The following DMD variants were observed in gnomAD, a reference collection of about 807,000 sequenced individuals.
DMD encodes mutant dystrophin.
DMD carries 63 observed loss-of-function variants against 330.1 expected under a neutral mutation model. The observed-to-expected ratio is 0.19, with a 90% CI of 0.16 to 0.24. The LOEUF is 0.24. Ranked by LOEUF, DMD falls within the 10% of genes least tolerant of loss-of-function variation. DMD has a pLI of 1.00. For synonymous variants in DMD, 1,223 were observed against 959.8 expected (o/e 1.27, Z -5.07); for missense variants, 3,344 against 2,684.1 (o/e 1.25, Z -5.43).
chrX:32,800,738 G>A (rs1435107629), intron 7 of DMD, among the ~76,000 whole-genome samples: 1 of 110,085 alleles, frequency 9.1e-6, no homozygotes, highest in South Asian at 3.9e-4. Context: ...AGTGTGTGAT[G>A]CTCCACTGCA....
intron 44 of DMD, among the ~76,000 whole-genome samples, chrX:32,080,138 T>C (rs2096381543): frequency 8.9e-6 from 1 of 112,384 alleles, no homozygotes; most frequent in Non-Finnish European, 1.9e-5. Context: ...ATTTTACAAC[T>C]TTAAAAAATG....
rs182468190 is a variant in DMD, at chrX:32,395,297, A to C, written c.4234-5116T>G. 1.6e-3 allele frequency among the ~76,000 whole-genome samples: 178 copies of C among 111,717 alleles called. 1 individual carries two copies. The highest frequency in any genetic ancestry group is 5.6e-3 in the African/African-American group (171 of 30,805). On this transcript the variant is annotated intron_variant, in intron 30 of 78. Transcript: ENST00000357033. Reference sequence around the variant, plus strand: ...CTCAATTCCACACAGTGAGAACAAAATTGTTGCCCCTATACTTACAGAAGC... The same window carrying C: ...CTCAATTCCACACAGTGAGAACAAACTTGTTGCCCCTATACTTACAGAAGC...
At position 32,216,948 on chromosome X, in the gene DMD, A is replaced by G; in HGVS notation, c.6406T>C (p.Trp2136Arg). The change falls in exon 44 of 79, where the codon TGG (tryptophan) becomes CGG (arginine). Residue 2136 changes from tryptophan to arginine, a missense_variant. Coordinates refer to ENST00000357033, the MANE Select transcript of DMD (RefSeq NM_004006.3). ...TACCATTTGTATTTAGCATGTTCCC[A>G]ATTCTCAGGAATTTGTGTCTTTCTG... is the stretch of plus-strand genomic sequence containing the variant. ...FLRKTQIPEN[W>R]EHAKYKWYLK... 1 of 1,208,368 alleles carries G rather than the reference A, an allele frequency of 8.3e-7. No homozygotes were observed. Among genetic ancestry groups the G allele is most frequent in the Non-Finnish European group, 1.1e-6 (1 of 893,020 alleles).
chrX:32,574,517 G>T lies in DMD; in HGVS notation c.1603-671C>A, dbSNP rs193285701. 9.0e-5 allele frequency among the ~76,000 whole-genome samples: 10 copies of T among 111,628 alleles called. No individual in the cohort carries two copies. The East Asian group carries it at 1.1e-3, about 13-fold the overall frequency. On this transcript the variant is annotated intron_variant, in intron 13 of 78. Transcript: ENST00000357033. ...ATAAACCAACTATCAATGATTTTTG[G>T]AAGGAAAACAAATATTGTGATGCTT...
chrX:32,600,994 A>G (rs1309646894), intron 12 of DMD, among the ~76,000 whole-genome samples: 1 of 111,505 alleles, frequency 9.0e-6, no homozygotes, highest in Non-Finnish European at 1.9e-5. Context: ...AACTTCAAGT[A>G]CAGATCAGAA....
intron 1 of DMD, among the ~76,000 whole-genome samples, chrX:33,307,462 C>A (rs1474423457): frequency 1.8e-5 from 2 of 111,871 alleles, no homozygotes; most frequent in African/African-American, 6.5e-5. Flanking sequence ...GAGGCCAAGG[C>A]GGGCGGATCA....
chrX:32,217,109 A>G (rs765367589), intron 43 of DMD, 46 bp from the exon 44 acceptor site: 8 of 1,153,246 alleles, frequency 6.9e-6, no homozygotes, highest in South Asian at 1.8e-5. Flanking sequence ...TGGATTATGT[A>G]AAACAGATTA....
chrX:31,421,904 C>CATATATATATATATATATAT (rs1205689227), intron 60 of DMD, among the ~76,000 whole-genome samples: 1 of 63,136 alleles, frequency 1.6e-5, no homozygotes, highest in African/African-American at 1.2e-4. Context: ...TATATATACA[C>CATATATATATATATATATAT]ACACACACAC....
At chrX:33,168,956 T>G (rs1230224034) in intron 1 of DMD, among the ~76,000 whole-genome samples, 2 of 108,133 alleles carry the variant, frequency 1.8e-5, no homozygotes, top group Non-Finnish European at 1.9e-5. Context: ...CTTTTGAATT[T>G]CCAAATAAGA....
chrX:32,288,915 G>A (rs2097454715), intron 42 of DMD, among the ~76,000 whole-genome samples: 1 of 111,275 alleles, frequency 9.0e-6, no homozygotes, highest in South Asian at 3.8e-4. Flanking sequence ...ATCTCTGACT[G>A]CACCTCAGAA....
At chrX:32,442,545 G>A (rs1321154013) in intron 27 of DMD, among the ~76,000 whole-genome samples, 3 of 110,251 alleles carry the variant, frequency 2.7e-5, no homozygotes, top group African/African-American at 9.8e-5. Flanking sequence ...ATTTATTGTT[G>A]GTGGGTGTGT....
At chrX:32,004,081 A>G (rs1015061797) in intron 44 of DMD, among the ~76,000 whole-genome samples, 16 of 110,548 alleles carry the variant, frequency 1.4e-4, no homozygotes, top group Non-Finnish European at 3.0e-4. Flanking sequence ...TAGGTGTGCC[A>G]CTTTATAGAA....
rs746437287 is a variant in DMD, at chrX:31,967,297, GGTGTGTGTGTGTGTGTGTGTGTGT to G, written c.6614+1018_6614+1041del. Among the ~76,000 whole-genome samples the G allele has an allele frequency of 1.4e-3, 101 of 74,582 alleles. 1 individual carries two copies. The East Asian group carries it at 0.039, about 29-fold the overall frequency. The allele number at this position is 74,582 out of a possible 115,157, so 64.8% of individuals were successfully genotyped here. A position where few individuals can be genotyped will look rare whatever the true frequency, so the allele number is the denominator to read the frequency against. On this transcript the variant is annotated intron_variant, in intron 45 of 78. Transcript: ENST00000357033. ...CTATAATTCTTTAACTTTGGCAAGG[GGTGTGTGTGTGTGTGTGTGTGTGT>G]GTGTGTGTGTGTGTGTGTGTGTGTG...
rs2060980761 is a variant in DMD at position 32,662,028 on chromosome X, G to A, written c.961-16876C>T. 2.7e-5 allele frequency among the ~76,000 whole-genome samples: 3 copies of A among 111,173 alleles called. No individual in the cohort carries two copies. In the South Asian group the frequency reaches 1.1e-3, roughly 42 times the overall value. On this transcript the variant is annotated intron_variant, in intron 9 of 78. Coordinates refer to ENST00000357033, the MANE Select transcript of DMD (RefSeq NM_004006.3). Reference sequence around the variant, plus strand: ...GAAATGGAAAGAAACAGAATAAACAGAAATACCTTTTTGTCACATAGTGAG... The same window carrying A: ...GAAATGGAAAGAAACAGAATAAACAAAAATACCTTTTTGTCACATAGTGAG...
intron 44 of DMD, chrX:32,206,620 GA>G: frequency 3.3e-6 from 2 of 600,161 alleles, no homozygotes; most frequent in Non-Finnish European, 5.5e-6. Context: ...AGCAAGTATA[GA>G]AAAAGGTGGT....
intron 1 of DMD, among the ~76,000 whole-genome samples, chrX:33,275,718 C>T (rs901608791): frequency 2.7e-5 from 3 of 111,516 alleles, no homozygotes; most frequent in Non-Finnish European, 5.7e-5. Flanking sequence ...GAAAGACATC[C>T]TAATGATTCA....
At chrX:31,266,683 C>T in intron 62 of DMD, 1 of 699,014 alleles carries the variant, frequency 1.4e-6, no homozygotes, top group African/African-American at 2.1e-5. Flanking sequence ...AGACGCCCAG[C>T]CGCCCGGCGC....
chrX:31,526,202 T>C (rs1467029286), intron 55 of DMD, among the ~76,000 whole-genome samples: 2 of 112,444 alleles, frequency 1.8e-5, no homozygotes, highest in Non-Finnish European at 1.9e-5. Flanking sequence ...AAGAGCGGCA[T>C]TGTGCTTGTA....
intron 55 of DMD, among the ~76,000 whole-genome samples, chrX:31,559,667 A>G (rs1477585373): frequency 2.0e-5 from 2 of 100,617 alleles, no homozygotes; most frequent in Non-Finnish European, 4.0e-5. Context: ...AAAAAAAAAG[A>G]CTTCTTGGCT....
Sources: allele counts gnomAD v4.1 joint callset (sites outside exome capture counted in the v4.1 genomes callset), GRCh38; gene constraint gnomAD v4.1.1; transcripts MANE v1.5; gene names NCBI Gene and HGNC (gene_info 2026-07-23, HGNC 2026-07-21).